Variants in MCF2L2 observed in about 807,000 individuals in gnomAD.
MCF2L2 encodes MCF.2 cell line derived transforming sequence-like 2.
Under a neutral mutation model 150.2 loss-of-function variants are expected in MCF2L2, and 102 were observed. The observed-to-expected ratio is 0.68, with a 90% CI of 0.58 to 0.80. The LOEUF (loss-of-function observed/expected upper bound fraction) is 0.80. Ranked by LOEUF, MCF2L2 falls within the 30% of genes least tolerant of loss-of-function variation. MCF2L2 has a pLI of 0.00. For missense variants in MCF2L2, 1,256 were observed against 1,372.8 expected, an observed-to-expected ratio of 0.91 and a Z score of 1.34; for synonymous variants, 465 against 491.3, an observed-to-expected ratio of 0.95 and a Z score of 0.71.
chr3:183,269,988 C>T, intron 15 of MCF2L2: 1 of 1,614,110 alleles, frequency 6.2e-7, no homozygotes, highest in Non-Finnish European at 8.5e-7. Flanking sequence ...TACCCTGTCT[C>T]TTAAGCACAC....
intron 27 of MCF2L2, among the ~76,000 whole-genome samples, chr3:183,187,139 A>C (rs111276603): frequency 0.014 from 2,067 of 152,126 alleles, 49 homozygotes; most frequent in African/African-American, 0.047. Context: ...GAATAACACA[A>C]AAAAAAAGAT....
intron 21 of MCF2L2, among the ~76,000 whole-genome samples, 153 bp downstream of exon 21, chr3:183,219,702 GT>G (rs1178244990): frequency 2.0e-5 from 3 of 150,538 alleles, no homozygotes; most frequent in East Asian, 2.0e-4. Context: ...TAATTTTTTT[GT>G]TTTTTTTCTT....
chr3:183,201,765 C>T (rs546872589), intron 25 of MCF2L2, among the ~76,000 whole-genome samples: 2 of 152,268 alleles, frequency 1.3e-5, no homozygotes, highest in East Asian at 3.9e-4. Context: ...GTGGGTTTGT[C>T]ATAAATAGTT....
chr3:183,395,240 C>A (rs1577120536), intron 1 of MCF2L2, among the ~76,000 whole-genome samples: 1 of 152,116 alleles, frequency 6.6e-6, no homozygotes, highest in East Asian at 1.9e-4. Flanking sequence ...AAAATGGAAC[C>A]AATCATTATA....
At chr3:183,245,466 TGAG>T (rs1576954807) in intron 15 of MCF2L2, among the ~76,000 whole-genome samples, 2 of 151,938 alleles carry the variant, frequency 1.3e-5, no homozygotes, top group African/African-American at 4.8e-5. Context: ...GGGAGCTAGC[TGAG>T]GAGATGGTTG....
chr3:183,195,771 C>T (rs1235750669), intron 25 of MCF2L2, among the ~76,000 whole-genome samples: 4 of 152,142 alleles, frequency 2.6e-5, no homozygotes, highest in Non-Finnish European at 4.4e-5. Context: ...ATATTTGAGG[C>T]CATCTCAATC....
chr3:183,361,110 GAAAAAA>G (rs1712167328), intron 3 of MCF2L2, among the ~76,000 whole-genome samples: 1 of 143,484 alleles, frequency 7.0e-6, no homozygotes, highest in Admixed American at 7.0e-5. Flanking sequence ...GACAAGAAAA[GAAAAAA>G]GAAAAAGAAA....
intron 15 of MCF2L2, among the ~76,000 whole-genome samples, chr3:183,235,702 A>G (rs1007072726): frequency 1.9e-5 from 2 of 104,152 alleles, no homozygotes; most frequent in African/African-American, 5.7e-5. Flanking sequence ...CTTTAGTTTA[A>G]TTAGATCCCA....
chr3:183,384,058 C>T (rs1713687612), intron 2 of MCF2L2, among the ~76,000 whole-genome samples: 2 of 152,214 alleles, frequency 1.3e-5, no homozygotes, highest in Non-Finnish European at 2.9e-5. Flanking sequence ...TGAACCTCCA[C>T]ATGGAGAAAA....
At chr3:183,426,431 T>G (rs540811356) in intron 1 of MCF2L2, among the ~76,000 whole-genome samples, 21 of 152,352 alleles carry the variant, frequency 1.4e-4, no homozygotes, top group Non-Finnish European at 2.6e-4. Context: ...CTGAAATGTC[T>G]GTATAATCAC....
At chr3:183,391,916 C>T (rs536419240) in intron 1 of MCF2L2, among the ~76,000 whole-genome samples, 1 of 151,962 alleles carries the variant, frequency 6.6e-6, no homozygotes, top group Non-Finnish European at 1.5e-5. Context: ...GATATAGGAT[C>T]TTGCTCTGTC....
chr3:183,327,185 C>T (rs1377457416), intron 5 of MCF2L2, among the ~76,000 whole-genome samples: 3 of 152,056 alleles, frequency 2.0e-5, no homozygotes, highest in Middle Eastern at 3.4e-3. Flanking sequence ...ATTAGCCGGG[C>T]GTGGTGGCAG....
intron 13 of MCF2L2, among the ~76,000 whole-genome samples, chr3:183,290,927 G>C (rs970603879): frequency 6.6e-6 from 1 of 152,110 alleles, no homozygotes; most frequent in Non-Finnish European, 1.5e-5. Flanking sequence ...CTTGATGGAG[G>C]TTGACCATCT....
chr3:183,196,432 C>T (rs1039806045), intron 25 of MCF2L2, among the ~76,000 whole-genome samples: 4 of 152,178 alleles, frequency 2.6e-5, no homozygotes, highest in African/African-American at 4.8e-5. Context: ...GTAAAGTGCT[C>T]GGCAGGCGTA....
chr3:183,273,355 C>A (rs1726950828), intron 15 of MCF2L2: 3 of 221,832 alleles, frequency 1.4e-5, no homozygotes, highest in Non-Finnish European at 2.8e-5. Flanking sequence ...TAAAAAAAAT[C>A]TATAGTTTCC....
intron 1 of MCF2L2, among the ~76,000 whole-genome samples, chr3:183,403,000 G>T (rs940802068): frequency 6.6e-6 from 1 of 152,080 alleles, no homozygotes; most frequent in Non-Finnish European, 1.5e-5. Flanking sequence ...AACAGACGAG[G>T]CCAGGTGCAG....
At chr3:183,253,520 C>T (rs553773069) in intron 15 of MCF2L2, 2 of 152,340 alleles carry the variant, frequency 1.3e-5, no homozygotes, top group Admixed American at 6.5e-5. Flanking sequence ...CCCCTCTTCT[C>T]GTATTTTAGA....
At position 183,428,158 on chromosome 3, in the gene MCF2L2, C is replaced by A. The variant is rs1716272290; in HGVS notation, c.-181G>T. On this transcript the variant is annotated 5_prime_UTR_variant, in exon 1 of 30. Transcript: ENST00000328913. The surrounding 1 kb of genome is among the most constrained non-coding windows in gnomAD (Gnocchi z 5.1). ...GCCAGCTCTCCCTCGCCACGCCCCG[C>A]GGGGGCTCCCGTGACAGACCAAGTC... 1 of 588,010 alleles carries A rather than the reference C, an allele frequency of 1.7e-6. No individual in the cohort carries two copies. Among genetic ancestry groups the A allele is most frequent in the Non-Finnish European group, 3.0e-6 (1 of 332,400 alleles). 36.4% of individuals were successfully genotyped at this position (588,010 alleles called of 1,614,324 possible). A position where few individuals can be genotyped will look rare whatever the true frequency, so the allele number is the denominator to read the frequency against.
intron 2 of MCF2L2, among the ~76,000 whole-genome samples, chr3:183,381,681 A>G (rs1167238648): frequency 6.6e-6 from 1 of 152,212 alleles, no homozygotes; most frequent in East Asian, 1.9e-4. Flanking sequence ...CTGGATGGTC[A>G]GTCATCCCTC....
Sources: gnomAD v4.1 joint callset for allele counts (sites outside exome capture counted in the v4.1 genomes callset) on GRCh38, gnomAD v4.1.1 for gene constraint, Gnocchi (gnomAD v3.1) non-coding constraint, MANE v1.5 for transcripts, NCBI Gene and HGNC (gene_info 2026-07-23, HGNC 2026-07-21) for gene names.